NKAIN2: variants seen among roughly 807,000 people sequenced by gnomAD.
The protein encoded by NKAIN2 is sodium/potassium-transporting ATPase subunit beta-1-interacting protein 2.
A neutral mutation model predicts 32.6 loss-of-function variants in NKAIN2; 14 were observed. That is an observed-to-expected ratio of 0.43 (90% CI 0.28 to 0.67). The LOEUF (loss-of-function observed/expected upper bound fraction) is 0.67, where lower values mean the gene tolerates loss of function less well. Ranked by LOEUF, NKAIN2 falls within the 30% of genes least tolerant of loss-of-function variation. The probability of loss-of-function intolerance (pLI) is 0.17; values close to 1 mark genes in which losing one functional copy is unlikely to be tolerated. For synonymous variants in NKAIN2, 80 were observed against 87.2 expected, an observed-to-expected ratio of 0.92 and a Z score of 0.46; for missense variants, 198 against 258.3, an observed-to-expected ratio of 0.77 and a Z score of 1.60.
intron 3 of NKAIN2, among the ~76,000 whole-genome samples, chr6:124,593,582 AG>A (rs1004618369): frequency 1.8e-4 from 28 of 152,290 alleles, no homozygotes; most frequent in Admixed American, 7.9e-4. Flanking sequence ...GCTGAGAAAT[AG>A]GAAGAGATCA....
chr6:124,812,437 A>T (rs1209212870), intron 5 of NKAIN2, among the ~76,000 whole-genome samples: 2 of 152,174 alleles, frequency 1.3e-5, no homozygotes, highest in Non-Finnish European at 2.9e-5. Flanking sequence ...TCTGAGGCTA[A>T]TGTAGTAAAC....
intron 3 of NKAIN2, among the ~76,000 whole-genome samples, chr6:124,604,072 C>A (rs541409147): frequency 6.6e-6 from 1 of 151,892 alleles, no homozygotes; most frequent in East Asian, 1.9e-4. Flanking sequence ...AGCTTTCTCC[C>A]GGAGGGCTAG....
At chr6:124,371,400 A>T (rs1249335925) in intron 3 of NKAIN2, among the ~76,000 whole-genome samples, 2 of 152,012 alleles carry the variant, frequency 1.3e-5, no homozygotes, top group Non-Finnish European at 2.9e-5. Context: ...TTGTTTTTTA[A>T]CAGTGTAAGT....
chr6:124,103,610 T>G (rs1353895917), intron 1 of NKAIN2, among the ~76,000 whole-genome samples: 1 of 152,222 alleles, frequency 6.6e-6, no homozygotes, highest in Non-Finnish European at 1.5e-5. Flanking sequence ...TTATTATTAC[T>G]AAATGAAATA....
At chr6:124,349,906 T>G (rs755361917) in intron 2 of NKAIN2, among the ~76,000 whole-genome samples, 1 of 152,218 alleles carries the variant, frequency 6.6e-6, no homozygotes, top group Non-Finnish European at 1.5e-5. Flanking sequence ...TCAAGTTAAG[T>G]TAATCTCTCA....
intron 3 of NKAIN2, among the ~76,000 whole-genome samples, chr6:124,498,182 G>C (rs566247030): frequency 6.6e-6 from 1 of 152,154 alleles, no homozygotes; most frequent in Admixed American, 6.6e-5. Flanking sequence ...CTGCACTCTT[G>C]AATACGAACT....
Position 124,823,221 on chromosome 6 carries a change from T to C in NKAIN2, c.619T>C (p.Ser207Pro). Residue 207 changes from serine (S) to proline (P), a missense_variant and splice_region_variant, in exon 7 of 7, where the codon TCA becomes CCA. Physicochemically the swap from Ser to Pro is moderately conservative, Grantham distance 74. Transcript: ENST00000368417. ...AAAAACATCTTTTCTCTCTCTCAGG[T>C]CAAAATAATACAGATGACTTCAGTA... ...SHLQLQPMYM[S>P]K 2 of 1,596,804 alleles carry C rather than the reference T, an allele frequency of 1.3e-6. No individual in the cohort carries two copies.
At chr6:123,882,906 C>T (rs1773515166) in intron 1 of NKAIN2, among the ~76,000 whole-genome samples, 1 of 152,164 alleles carries the variant, frequency 6.6e-6, no homozygotes, top group African/African-American at 2.4e-5. Context: ...ATTCACAGAA[C>T]ACCACAATCA....
intron 1 of NKAIN2, among the ~76,000 whole-genome samples, chr6:124,256,376 A>G (rs1389826465): frequency 6.6e-6 from 1 of 152,202 alleles, no homozygotes; most frequent in Non-Finnish European, 1.5e-5. Flanking sequence ...TGAAAGGTAC[A>G]ATCTGATCAA....
At position 124,825,187 on chromosome 6, in the gene NKAIN2, G is replaced by T. The variant is rs1356145574; in HGVS notation, c.*1958G>T. On this transcript the variant is annotated 3_prime_UTR_variant, in exon 7 of 7. Transcript: ENST00000368417. ...CTTTTAATGTGACTATTAAAAATGA[G>T]GTTTCACTGTACATTCATGCTGTGA... 2.0e-5 allele frequency: 3 copies of T among 152,522 alleles called. No homozygotes were observed. The highest frequency in any genetic ancestry group is 4.4e-5 in the Non-Finnish European group (3 of 68,030). 9.4% of individuals were successfully genotyped at this position (152,522 alleles called of 1,614,324 possible).
intron 2 of NKAIN2, among the ~76,000 whole-genome samples, chr6:124,284,354 C>T (rs904506932): frequency 2.0e-5 from 3 of 152,222 alleles, no homozygotes; most frequent in South Asian, 2.1e-4. Context: ...TTGGAATCTT[C>T]GATCTGCCAA....
chr6:124,606,413 C>G (rs895635497), intron 3 of NKAIN2, among the ~76,000 whole-genome samples: 1 of 151,910 alleles, frequency 6.6e-6, no homozygotes, highest in Admixed American at 6.6e-5. Flanking sequence ...GCTCATTGCA[C>G]TTATTTAGTA....
chr6:124,119,211 C>T (rs59758965), intron 1 of NKAIN2, among the ~76,000 whole-genome samples: 7,063 of 152,198 alleles, frequency 0.046, 559 homozygotes, highest in African/African-American at 0.16. Flanking sequence ...AGAGTTACCT[C>T]ACCTCTGAAT....
chr6:124,362,861 G>A (rs919552728), intron 3 of NKAIN2, among the ~76,000 whole-genome samples: 1 of 151,990 alleles, frequency 6.6e-6, no homozygotes, highest in African/African-American at 2.4e-5. Context: ...TTGAGATAGA[G>A]TCCCACTCTG....
chr6:124,312,858 A>G (rs1183046879), intron 2 of NKAIN2, among the ~76,000 whole-genome samples: 3 of 152,130 alleles, frequency 2.0e-5, no homozygotes, highest in Non-Finnish European at 4.4e-5. Flanking sequence ...GGCCAGACCT[A>G]TATTCAGAAA....
chr6:123,942,322 A>G (rs1776861849), intron 1 of NKAIN2, among the ~76,000 whole-genome samples: 1 of 151,842 alleles, frequency 6.6e-6, no homozygotes, highest in African/African-American at 2.4e-5. Context: ...TAATAATTAA[A>G]TAAAAGAGTT....
chr6:124,364,459 G>T (rs1324419715), intron 3 of NKAIN2, among the ~76,000 whole-genome samples: 1 of 151,918 alleles, frequency 6.6e-6, no homozygotes, highest in South Asian at 2.1e-4. Flanking sequence ...CCAGATTTAG[G>T]TATAGATGAA....
At chr6:124,150,370 T>G (rs2114387929) in intron 1 of NKAIN2, among the ~76,000 whole-genome samples, 1 of 152,298 alleles carries the variant, frequency 6.6e-6, no homozygotes, top group Non-Finnish European at 1.5e-5. Flanking sequence ...CAGACATATC[T>G]GTTCACTAAG....
At chr6:124,595,118 C>G (rs1782037578) in intron 3 of NKAIN2, among the ~76,000 whole-genome samples, 1 of 152,158 alleles carries the variant, frequency 6.6e-6, no homozygotes, top group Non-Finnish European at 1.5e-5. Flanking sequence ...GGGACCACCC[C>G]AAGGCCCTAC....
Sources: gnomAD v4.1 joint callset for allele counts (sites outside exome capture counted in the v4.1 genomes callset) on GRCh38, gnomAD v4.1.1 for gene constraint, MANE v1.5 for transcripts, NCBI Gene and HGNC (gene_info 2026-07-23, HGNC 2026-07-21) for gene names.